The following HSD17B12 variants were observed in gnomAD, a reference collection of about 807,000 sequenced individuals.
The protein encoded by HSD17B12 is hydroxysteroid 17-beta dehydrogenase 12.
Under a neutral mutation model 39.3 loss-of-function variants are expected in HSD17B12, and 32 were observed. That is an observed-to-expected ratio of 0.81 (90% CI 0.61 to 1.09). HSD17B12 has a LOEUF of 1.09. Ranked by LOEUF, HSD17B12 falls within the 50% of genes least tolerant of loss-of-function variation. HSD17B12 has a pLI of 0.00. For missense variants in HSD17B12, 342 were observed against 382.9 expected, an observed-to-expected ratio of 0.89 and a Z score of 0.89; for synonymous variants, 150 against 146.7, an observed-to-expected ratio of 1.02 and a Z score of -0.16.
At chr11:43,602,263 G>T in the HSD17B12 span, among the ~76,000 whole-genome samples, 1 of 152,196 alleles carries the variant, frequency 6.6e-6, no homozygotes, top group Non-Finnish European at 1.5e-5. Flanking sequence ...ATGCAAGTAT[G>T]TATAAATACA....
At chr11:43,693,634 T>C (rs1949883801) in intron 1 of HSD17B12, among the ~76,000 whole-genome samples, 1 of 152,206 alleles carries the variant, frequency 6.6e-6, no homozygotes, top group Admixed American at 6.5e-5. Flanking sequence ...AAGGAAATAC[T>C]GCATTTAGTA....
intron 4 of HSD17B12, among the ~76,000 whole-genome samples, chr11:43,803,115 G>A (rs753389558): frequency 2.0e-5 from 3 of 151,992 alleles, no homozygotes; most frequent in African/African-American, 4.8e-5. Context: ...CAAGATTTTC[G>A]ATGGAACTAT....
chr11:43,633,865 A>G, the HSD17B12 span, among the ~76,000 whole-genome samples: 3 of 152,030 alleles, frequency 2.0e-5, no homozygotes, highest in Non-Finnish European at 4.4e-5. Context: ...ACCTGACATC[A>G]GGAGTTCGAG....
chr11:43,710,527 T>G (rs1288295758), intron 1 of HSD17B12, among the ~76,000 whole-genome samples: 1 of 152,134 alleles, frequency 6.6e-6, no homozygotes, highest in Non-Finnish European at 1.5e-5. Flanking sequence ...TGAGGGGAAA[T>G]GATATGTGAT....
At chr11:43,631,547 G>T in the HSD17B12 span, among the ~76,000 whole-genome samples, 3 of 151,956 alleles carry the variant, frequency 2.0e-5, no homozygotes, top group African/African-American at 7.3e-5. Context: ...CTCTCTGTGT[G>T]TGTGTGTGTC....
At position 43,734,136 on chromosome 11, in the gene HSD17B12, CAGT is replaced by C. The variant is rs979825446; in HGVS notation, c.161-16774_161-16772del. On this transcript the variant is annotated intron_variant, in intron 1 of 10. Coordinates refer to ENST00000278353, the MANE Select transcript of HSD17B12 (RefSeq NM_016142.3). ...GCCGTCCATCACTACCAAATCAAGT[CAGT>C]GGTGGCACGCTTTGATGCTGGAGAA... 4.1e-6 allele frequency: 6 copies of C among 1,471,740 alleles called. No homozygotes were observed. In the African/African-American group the frequency reaches 8.3e-5, roughly 20 times the overall value. The allele number at this position is 1,471,740 out of a possible 1,614,324, so 91.2% of individuals were successfully genotyped here.
chr11:43,784,336 ATTATTATTATT>A (rs1565088236), intron 3 of HSD17B12, among the ~76,000 whole-genome samples: 1 of 147,042 alleles, frequency 6.8e-6, no homozygotes, highest in Non-Finnish European at 1.5e-5. Context: ...TATTATTATT[ATTATTATTATT>A]TTAACTGCCA....
At chr11:43,632,377 A>G in the HSD17B12 span, among the ~76,000 whole-genome samples, 1 of 152,196 alleles carries the variant, frequency 6.6e-6, no homozygotes, top group African/African-American at 2.4e-5. Context: ...TGTTTCCTGA[A>G]CAGTGGAGAG....
intron 3 of HSD17B12, among the ~76,000 whole-genome samples, chr11:43,761,379 C>G (rs1449845151): frequency 6.6e-6 from 1 of 152,170 alleles, no homozygotes; most frequent in African/African-American, 2.4e-5. Flanking sequence ...CAAGGCCAAT[C>G]AATATGTGTT....
intron 3 of HSD17B12, among the ~76,000 whole-genome samples, chr11:43,780,152 A>G (rs1950750179): frequency 6.6e-6 from 1 of 152,162 alleles, no homozygotes. Context: ...TCAGGATATC[A>G]TCTCATGTGT....
the HSD17B12 span, among the ~76,000 whole-genome samples, chr11:43,563,182 T>C: frequency 6.6e-6 from 1 of 152,188 alleles, no homozygotes; most frequent in Admixed American, 6.5e-5. Flanking sequence ...CACGAACTTC[T>C]GTATGGCCCA....
At chr11:43,641,425 A>T in the HSD17B12 span, among the ~76,000 whole-genome samples, 1 of 151,842 alleles carries the variant, frequency 6.6e-6, no homozygotes, top group East Asian at 1.9e-4. Flanking sequence ...AATATTCCTA[A>T]ACACAGATGT....
chr11:43,627,035 C>T, the HSD17B12 span, among the ~76,000 whole-genome samples: 3 of 152,000 alleles, frequency 2.0e-5, no homozygotes, highest in African/African-American at 7.2e-5. Context: ...CGTTTGCAAA[C>T]ATCCAGTTGC....
intron 9 of HSD17B12, chr11:43,854,470 G>A (rs951146681): frequency 4.7e-6 from 2 of 428,078 alleles, no homozygotes; most frequent in Non-Finnish European, 8.3e-6. Context: ...GTAGATTTCT[G>A]CTTATTTTTA....
the HSD17B12 span, among the ~76,000 whole-genome samples, chr11:43,571,597 G>A: frequency 5.9e-5 from 9 of 152,184 alleles, no homozygotes; most frequent in East Asian, 3.9e-4. Context: ...TTTGCCCATC[G>A]ATAATGGGGT....
intron 1 of HSD17B12, among the ~76,000 whole-genome samples, chr11:43,685,153 G>C (rs1949786672): frequency 1.3e-5 from 2 of 152,144 alleles, no homozygotes; most frequent in Admixed American, 1.3e-4. Flanking sequence ...CTAAGATGTA[G>C]CTTCTGGTTG....
At chr11:43,744,108 A>G (rs1268959233) in intron 1 of HSD17B12, among the ~76,000 whole-genome samples, 1 of 152,198 alleles carries the variant, frequency 6.6e-6, no homozygotes, top group East Asian at 1.9e-4. Flanking sequence ...AAGTAGAGCA[A>G]AAAGAAAAGT....
intron 7 of HSD17B12, among the ~76,000 whole-genome samples, chr11:43,834,921 G>A (rs1226327318): frequency 2.0e-5 from 3 of 152,150 alleles, no homozygotes; most frequent in African/African-American, 4.8e-5. Context: ...TAGATCCTCA[G>A]TAATTTGTAC....
intron 3 of HSD17B12, among the ~76,000 whole-genome samples, chr11:43,767,235 A>G (rs1950604037): frequency 6.6e-6 from 1 of 151,966 alleles, no homozygotes. Flanking sequence ...TTGGTTGGGA[A>G]ATGTGGGACC....
Sources: allele counts gnomAD v4.1 joint callset (sites outside exome capture counted in the v4.1 genomes callset), GRCh38; gene constraint gnomAD v4.1.1; transcripts MANE v1.5; gene names NCBI Gene and HGNC (gene_info 2026-07-23, HGNC 2026-07-21).